The following ZNF221 variants were observed in gnomAD, a reference collection of about 807,000 sequenced individuals.
ZNF221 encodes the protein zinc finger protein 221.
In ZNF221, 10 loss-of-function variants were observed where a neutral mutation model predicts 12.6. That is an observed-to-expected ratio of 0.79 (90% CI 0.49 to 1.34). The LOEUF (loss-of-function observed/expected upper bound fraction) is 1.34, where lower values mean the gene tolerates loss of function less well. ZNF221 is among the 40% of genes most tolerant of loss of function. The pLI is 0.00. For missense variants in ZNF221, 661 were observed against 721.4 expected (o/e 0.92, Z 0.96); for synonymous variants, 232 against 244.0 (o/e 0.95, Z 0.46).
At chr19:43,953,296 G>A (rs1974704625) in intron 1 of ZNF221, among the ~76,000 whole-genome samples, 1 of 151,236 alleles carries the variant, frequency 6.6e-6, no homozygotes, top group Non-Finnish European at 1.5e-5. Context: ...TTATTACAAA[G>A]GATATTACAA....
downstream of ZNF221, among the ~76,000 whole-genome samples, chr19:43,969,887 G>A (rs73038602): frequency 0.11 from 16,052 of 152,212 alleles, 927 homozygotes; most frequent in East Asian, 0.14. Flanking sequence ...CTCCCCCACC[G>A]CAGCACACCT....
Position 43,966,090 on chromosome 19 carries a change from A to C in ZNF221, c.588A>C (p.Lys196Asn). ...DLHQQSHSGEKSHTCGECGKS... is the reference protein window; with the variant it reads ...DLHQQSHSGENSHTCGECGKS... The stretch of plus-strand genomic sequence containing the variant: ...ATCAACAATCACACTCAGGAGAGAA[A>C]TCTCATACATGTGGTGAGTGTGGAA... The change falls in exon 5 of 5, where the codon AAA becomes AAC. Residue 196 changes from lysine (K) to asparagine (N), a missense_variant. By Grantham distance (94) the Lys-to-Asn change is moderately conservative. Transcript: ENST00000587682. 6.2e-7 allele frequency: 1 copy of C among 1,614,244 alleles called. No homozygotes were observed. Among genetic ancestry groups the C allele is most frequent in the Non-Finnish European group, 8.5e-7 (1 of 1,180,042 alleles).
At chr19:43,972,895 C>A in the ZNF221 span, among the ~76,000 whole-genome samples, 1 of 151,904 alleles carries the variant, frequency 6.6e-6, no homozygotes, top group Non-Finnish European at 1.5e-5. Context: ...CTCCTTAACT[C>A]TTTTTATGAG....
chr19:43,958,283 A>G (rs985028795), intron 1 of ZNF221, among the ~76,000 whole-genome samples: 4 of 152,200 alleles, frequency 2.6e-5, no homozygotes, highest in African/African-American at 9.7e-5. Flanking sequence ...TGGGGTATCC[A>G]TGCGAAAGGG....
rs746026661 is a variant in ZNF221 at position 43,965,909 on chromosome 19, C to T, written c.407C>T (p.Ser136Phe). 71 of 1,614,078 alleles carry T rather than the reference C, an allele frequency of 4.4e-5. No homozygotes were observed. The South Asian group carries it at 5.3e-4, about 12-fold the overall frequency. The change falls in exon 5 of 5, where the codon TCT (serine) becomes TTT (phenylalanine). Residue 136 changes from serine to phenylalanine, a missense_variant. Ser to Phe is a radical substitution (Grantham distance 155). Transcript: ENST00000587682. The stretch of plus-strand genomic sequence containing the variant: ...CAAATTGCAAGTGACCTAACCAGGT[C>T]TCAAAACTCCATAAGGAACAGCTCT... ...WEQIASDLTR[S>F]QNSIRNSSQF... is the part of the protein sequence containing the mutation.
chr19:43,966,355 G>A lies in ZNF221; in HGVS notation c.853G>A (p.Glu285Lys), dbSNP rs1974955402. The A allele has an allele frequency of 1.2e-6, 2 of 1,613,684 alleles. No individual in the cohort carries two copies. Among genetic ancestry groups the A allele is most frequent in the Middle Eastern group, 1.7e-4 (1 of 6,058 alleles). The part of the protein sequence containing the change: ...LHTGEKPYNC[E>K]ECGKAFIHDS... ...CACAGGAGAGAAACCTTATAATTGT[G>A]AGGAATGTGGGAAAGCCTTCATTCA... Residue 285 changes from glutamate (E) to lysine (K), a missense_variant, in exon 5 of 5, where the codon GAG (glutamate) becomes AAG (lysine). Transcript: ENST00000587682.
the ZNF221 span, among the ~76,000 whole-genome samples, chr19:43,976,469 G>A: frequency 2.6e-5 from 4 of 152,056 alleles, no homozygotes; most frequent in Admixed American, 1.3e-4. Context: ...CCTGGGAGGC[G>A]GAGGTTGCAG....
chr19:43,979,744 C>T, the ZNF221 span, among the ~76,000 whole-genome samples: 5 of 152,060 alleles, frequency 3.3e-5, no homozygotes, highest in South Asian at 2.1e-4. Flanking sequence ...TTTGTTACTC[C>T]GTTTCAACGC....
chr19:43,965,387 A>G, intron 4 of ZNF221, 62 bp downstream of exon 4: 2 of 1,432,326 alleles, frequency 1.4e-6, no homozygotes, highest in Non-Finnish European at 1.9e-6. Flanking sequence ...ACTTCTGTCC[A>G]TGCCTATTTC....
chr19:43,973,205 A>C, the ZNF221 span, among the ~76,000 whole-genome samples: 2 of 152,192 alleles, frequency 1.3e-5, no homozygotes, highest in Non-Finnish European at 2.9e-5. Flanking sequence ...ACATCCCTTC[A>C]TGCTAAAAGC....
the ZNF221 span, among the ~76,000 whole-genome samples, chr19:43,974,329 G>A: frequency 6.6e-6 from 1 of 152,014 alleles, no homozygotes; most frequent in Non-Finnish European, 1.5e-5. Context: ...CAGGACATAG[G>A]GACAGGCAAA....
At position 43,966,425 on chromosome 19, in the gene ZNF221, A is replaced by G; in HGVS notation, c.923A>G (p.Lys308Arg). The change falls in exon 5 of 5, where the codon AAG becomes AGG. Residue 308 changes from lysine (K) to arginine (R), a missense_variant. Transcript: ENST00000587682. ...QEHQRIHTGE[K>R]PFKCDICGKS... Reference sequence around the variant, plus strand: ...CATCAGAGAATCCATACTGGGGAGAAGCCATTCAAATGTGATATATGTGGT... The same window carrying G: ...CATCAGAGAATCCATACTGGGGAGAGGCCATTCAAATGTGATATATGTGGT... 6.2e-7 allele frequency: 1 copy of G among 1,614,138 alleles called. No individual in the cohort carries two copies. Among genetic ancestry groups the G allele is most frequent in the Non-Finnish European group, 8.5e-7 (1 of 1,179,990 alleles).
rs1472205050 is a variant in ZNF221, at chr19:43,966,391, C to T, written c.889C>T (p.Leu297Phe). 8 of 1,613,890 alleles carry T rather than the reference C, an allele frequency of 5.0e-6. No homozygotes were observed. Among genetic ancestry groups the T allele is most frequent in the Admixed American group, 3.3e-5 (2 of 59,994 alleles). ...GAAAGCCTTCATTCATGATTCACAG[C>T]TTCAAGAACATCAGAGAATCCATAC... ...CGKAFIHDSQ[L>F]QEHQRIHTGE... is the part of the protein sequence containing the mutation. Residue 297 changes from leucine (L) to phenylalanine (F), a missense_variant, in exon 5 of 5, where the codon CTT (leucine) becomes TTT (phenylalanine). Transcript: ENST00000587682.
rs192359643 is a variant in ZNF221 at position 43,967,377 on chromosome 19, G to A, written c.*21G>A. ...TATAAATGTGAGAAGTGTGGGAAGG[G>A]CTTTGGCTGGGCCTCAACTCATCTG... On this transcript the variant is annotated 3_prime_UTR_variant, in exon 5 of 5. Transcript: ENST00000587682. 54 of 1,582,892 alleles carry A rather than the reference G, an allele frequency of 3.4e-5. No homozygotes were observed. In the African/African-American group the frequency reaches 6.9e-4, roughly 20 times the overall value.
At chr19:43,972,621 C>T (rs1167470254), downstream of ZNF221, among the ~76,000 whole-genome samples, 1 of 151,956 alleles carries the variant, frequency 6.6e-6, no homozygotes, top group Non-Finnish European at 1.5e-5. Context: ...ATTATAAACA[C>T]CTCTCTGCAC....
chr19:43,965,993 A>G lies in ZNF221; in HGVS notation c.491A>G (p.His164Arg), dbSNP rs1210298001. Residue 164 changes from histidine to arginine, a missense_variant, in exon 5 of 5, where the codon CAC becomes CGC. Transcript: ENST00000587682. ...CQIEARLSIS[H>R]VQQKPYRCNE... ...ATTGAGGCAAGACTATCTATAAGTCACGTGCAACAGAAACCTTACCGTTGT... is the reference window on the plus strand; with the variant it reads ...ATTGAGGCAAGACTATCTATAAGTCGCGTGCAACAGAAACCTTACCGTTGT... The G allele has an allele frequency of 1.9e-6, 3 of 1,614,246 alleles. No individual in the cohort carries two copies. Among genetic ancestry groups the G allele is most frequent in the East Asian group, 4.5e-5 (2 of 44,886 alleles).
At chr19:43,976,491 T>C in the ZNF221 span, among the ~76,000 whole-genome samples, 1 of 152,228 alleles carries the variant, frequency 6.6e-6, no homozygotes, top group Admixed American at 6.5e-5. Flanking sequence ...GAGCTGAGAT[T>C]GTGCCACTGT....
chr19:43,965,123 G>A, intron 3 of ZNF221, 47 bp downstream of exon 3: 1 of 1,606,294 alleles, frequency 6.2e-7, no homozygotes, highest in Non-Finnish European at 8.5e-7. Context: ...CCCAGGAATG[G>A]CTTTGTATTC....
chr19:43,978,385 A>AG, the ZNF221 span: 1 of 152,206 alleles, frequency 6.6e-6, no homozygotes, highest in Non-Finnish European at 1.5e-5. Context: ...TCAGAAAAGT[A>AG]GGGCCTGCAG....
Sources: allele counts gnomAD v4.1 joint callset (sites outside exome capture counted in the v4.1 genomes callset), GRCh38; gene constraint gnomAD v4.1.1; transcripts MANE v1.5; gene names NCBI Gene and HGNC (gene_info 2026-07-23, HGNC 2026-07-21).